Variants in LPP observed in about 807,000 individuals in gnomAD.
The protein encoded by LPP is LIM domain containing preferred translocation partner in lipoma, also known as lipoma-preferred partner.
In LPP, 38 loss-of-function variants were observed where a neutral mutation model predicts 60.4. That is an observed-to-expected ratio of 0.63 (90% CI 0.49 to 0.83). The LOEUF (loss-of-function observed/expected upper bound fraction) is 0.83. Ranked by LOEUF, LPP falls within the 40% of genes least tolerant of loss-of-function variation. The pLI is 0.00. For missense variants in LPP, 902 were observed against 783.6 expected (o/e 1.15, Z -1.80); for synonymous variants, 328 against 290.8 (o/e 1.13, Z -1.30).
At chr3:188,378,424 C>A (rs1379339081) in intron 3 of LPP, among the ~76,000 whole-genome samples, 1 of 152,214 alleles carries the variant, frequency 6.6e-6, no homozygotes, top group African/African-American at 2.4e-5. Flanking sequence ...AGGCGCCCCT[C>A]CCCCAGCCTC....
At chr3:188,639,106 C>A (rs1337382722) in intron 7 of LPP, among the ~76,000 whole-genome samples, 5 of 152,124 alleles carry the variant, frequency 3.3e-5, no homozygotes, top group African/African-American at 1.2e-4. Context: ...CGCTACCTGA[C>A]TTCAAACTAT....
chr3:188,480,040 G>A (rs566856207), intron 4 of LPP, among the ~76,000 whole-genome samples: 1 of 152,304 alleles, frequency 6.6e-6, no homozygotes, highest in African/African-American at 2.4e-5. Flanking sequence ...AAGTGTTAGG[G>A]TAACCACAGT....
chr3:188,864,062 G>A (rs1021629043), intron 9 of LPP, among the ~76,000 whole-genome samples: 2 of 151,910 alleles, frequency 1.3e-5, no homozygotes, highest in African/African-American at 2.4e-5. Context: ...AAAAGAAACA[G>A]GCCCTCATTC....
intron 4 of LPP, among the ~76,000 whole-genome samples, chr3:188,457,470 ATCTCCCTCCCAGGAGC>A (rs1229023797): frequency 6.6e-5 from 10 of 152,234 alleles, no homozygotes; most frequent in African/African-American, 2.4e-4. Flanking sequence ...TCTAGGAAGC[ATCTCCCTCCCAGGAGC>A]GGAGTACTAG....
chr3:188,559,987 G>A (rs1363935669), intron 6 of LPP, among the ~76,000 whole-genome samples: 1 of 152,092 alleles, frequency 6.6e-6, no homozygotes, highest in Non-Finnish European at 1.5e-5. Flanking sequence ...AGTGGAAAGA[G>A]CTTCTGTTCT....
At chr3:188,733,293 G>A (rs1721314472) in intron 8 of LPP, among the ~76,000 whole-genome samples, 1 of 50,376 alleles carries the variant, frequency 2.0e-5, no homozygotes, top group Admixed American at 2.7e-4. Flanking sequence ...CCAAAAACGT[G>A]TGTGTGTGTG....
intron 2 of LPP, among the ~76,000 whole-genome samples, chr3:188,330,245 C>G (rs1012636241): frequency 2.0e-5 from 3 of 152,154 alleles, no homozygotes; most frequent in Non-Finnish European, 2.9e-5. Context: ...TTAAATATGT[C>G]TCTTATGTTA....
At chr3:188,407,213 A>G (rs1428218087) in intron 4 of LPP, among the ~76,000 whole-genome samples, 1 of 152,036 alleles carries the variant, frequency 6.6e-6, no homozygotes, top group Non-Finnish European at 1.5e-5. Context: ...TACCCTCTTC[A>G]TGATGTTTCC....
At chr3:188,663,931 C>T (rs558006579) in intron 7 of LPP, among the ~76,000 whole-genome samples, 2 of 152,284 alleles carry the variant, frequency 1.3e-5, no homozygotes, top group South Asian at 2.1e-4. Context: ...GGCGGAGCTC[C>T]GGCTGTAATG....
At chr3:188,717,545 T>C (rs945279000) in intron 8 of LPP, among the ~76,000 whole-genome samples, 3 of 152,178 alleles carry the variant, frequency 2.0e-5, no homozygotes, top group African/African-American at 7.2e-5. Context: ...ATAAGTGGCT[T>C]AGAGAGAAGG....
chr3:188,646,701 A>G (rs908011385), intron 7 of LPP, among the ~76,000 whole-genome samples: 4 of 152,240 alleles, frequency 2.6e-5, no homozygotes, highest in Admixed American at 1.3e-4. Context: ...CAGATCTTAA[A>G]TGTTCCTTAG....
At chr3:188,553,609 C>T (rs773896161) in intron 6 of LPP, among the ~76,000 whole-genome samples, 1 of 152,114 alleles carries the variant, frequency 6.6e-6, no homozygotes, top group Non-Finnish European at 1.5e-5. Context: ...TAGGAACGGA[C>T]AGTTAACTTG....
chr3:188,321,359 G>A (rs1393366694), intron 2 of LPP, among the ~76,000 whole-genome samples: 1 of 152,080 alleles, frequency 6.6e-6, no homozygotes, highest in African/African-American at 2.4e-5. Context: ...TTTTTTCAAT[G>A]AGCCTTTTGA....
At chr3:188,567,490 G>C (rs1390374649) in intron 6 of LPP, among the ~76,000 whole-genome samples, 1 of 151,712 alleles carries the variant, frequency 6.6e-6, no homozygotes, top group Non-Finnish European at 1.5e-5. Context: ...TAGTAGGTTA[G>C]TAGGGAAAAA....
chr3:188,219,080 G>A (rs554812434), intron 1 of LPP, among the ~76,000 whole-genome samples: 2 of 151,642 alleles, frequency 1.3e-5, no homozygotes, highest in Non-Finnish European at 2.9e-5. Context: ...GGCGGGGTGG[G>A]GGGGATTTAT....
At chr3:188,186,651 C>T (rs556126211) in intron 1 of LPP, among the ~76,000 whole-genome samples, 102 of 151,682 alleles carry the variant, frequency 6.7e-4, no homozygotes, top group African/African-American at 2.3e-3. Flanking sequence ...TAAAATAATG[C>T]GGAAGTGTTT....
At chr3:188,607,587 A>G (rs570540691) in intron 6 of LPP, among the ~76,000 whole-genome samples, 7 of 151,824 alleles carry the variant, frequency 4.6e-5, no homozygotes, top group Non-Finnish European at 1.0e-4. Context: ...AATCTTTTCT[A>G]CTTACTGGAT....
intron 3 of LPP, among the ~76,000 whole-genome samples, chr3:188,389,663 C>A (rs1779200454): frequency 6.6e-6 from 1 of 151,356 alleles, no homozygotes; most frequent in Admixed American, 6.6e-5. Flanking sequence ...ATAATCCTGG[C>A]TACTCAGGAG....
intron 7 of LPP, among the ~76,000 whole-genome samples, chr3:188,695,159 A>G (rs577800090): frequency 6.6e-6 from 1 of 152,230 alleles, no homozygotes; most frequent in South Asian, 2.1e-4. Flanking sequence ...TTGAACACCT[A>G]CTAAGCACTC....
Sources: gnomAD v4.1 joint callset for allele counts (sites outside exome capture counted in the v4.1 genomes callset) on GRCh38, gnomAD v4.1.1 for gene constraint, MANE v1.5 for transcripts, NCBI Gene and HGNC (gene_info 2026-07-23, HGNC 2026-07-21) for gene names.